The following DUSP23 variants were observed in gnomAD, a reference collection of about 807,000 sequenced individuals.
DUSP23 encodes the protein dual specificity protein phosphatase 23.
A neutral mutation model predicts 13.3 loss-of-function variants in DUSP23; 10 were observed. That is an observed-to-expected ratio of 0.75 (90% CI 0.46 to 1.27). The LOEUF is 1.27. Ranked by LOEUF, DUSP23 falls within the 50% of genes most tolerant of loss-of-function variation. The pLI is 0.00. For synonymous variants in DUSP23, 107 were observed against 95.3 expected (o/e 1.12, Z -0.72); for missense variants, 228 against 204.8 (o/e 1.11, Z -0.69).
intron 1 of DUSP23, 32 bp downstream of exon 1, chr1:159,781,399 G>A (rs1450869025): frequency 2.7e-6 from 4 of 1,461,460 alleles, no homozygotes; most frequent in Non-Finnish European, 3.6e-6. Flanking sequence ...AGGGAGGGAG[G>A]GGCCTGGAAG....
rs1162415751 is a variant in DUSP23 at position 159,782,112 on chromosome 1, T to TG, written c.268-36dup. On this transcript the variant is annotated intron_variant, in intron 1 of 1. Transcript: ENST00000368107. The stretch of plus-strand genomic sequence containing the variant: ...GTGAGGGGCAGGAAACAGTTGTGGG[T>TG]GGGGGAGTTGAGTGGCACCCATCGA... The TG allele has an allele frequency of 3.1e-6, 5 of 1,600,820 alleles. No individual in the cohort carries two copies. The South Asian group carries it at 5.5e-5, about 18-fold the overall frequency.
In DUSP23 at chr1:159,781,366, A is replaced by T. The variant is rs751586016; in HGVS notation, c.266A>T (p.Glu89Val). 1 of 1,506,236 alleles carries T rather than the reference A, an allele frequency of 6.6e-7. No individual in the cohort carries two copies. Among genetic ancestry groups the T allele is most frequent in the South Asian group, 1.3e-5 (1 of 78,146 alleles). 93.3% of individuals were successfully genotyped at this position (1,506,236 alleles called of 1,614,324 possible). A position where few individuals can be genotyped will look rare whatever the true frequency, so the allele number is the denominator to read the frequency against. ...QIVDEANARG[E>V]AVGVHCALGF... ...GTGGACGAGGCCAACGCACGGGGAG[A>T]GGTCAGCGGGCGGGGTCAGCGCAGG... Residue 89 changes from glutamate (E) to valine (V), a missense_variant and splice_region_variant, in exon 1 of 2, where the codon GAG becomes GTG. Glu to Val is a moderately radical substitution (Grantham distance 121). Coordinates refer to ENST00000368107, the MANE Select transcript of DUSP23 (RefSeq NM_001319658.2).
In DUSP23 at chr1:159,781,006, T is replaced by C. The variant is rs1661844844; in HGVS notation, c.-95T>C. The C allele has an allele frequency of 7.1e-7, 1 of 1,412,932 alleles. No individual in the cohort carries two copies. The allele number at this position is 1,412,932 out of a possible 1,614,324, so 87.5% of individuals were successfully genotyped here. A position where few individuals can be genotyped will look rare whatever the true frequency, so the allele number is the denominator to read the frequency against. ...GCGCCGAGGCCAGGTAGGTGGTGAG[T>C]TACTTGGCTCGGAGCGGGCGAGGGG... is the stretch of plus-strand genomic sequence containing the variant. On this transcript the variant is annotated 5_prime_UTR_variant, in exon 1 of 2. Transcript: ENST00000368107.
In DUSP23 at chr1:159,780,973, C is replaced by A; in HGVS notation, c.-128C>A. The A allele has an allele frequency of 8.0e-7, 1 of 1,255,864 alleles. No homozygotes were observed. The highest frequency in any genetic ancestry group is 1.1e-6 in the Non-Finnish European group (1 of 946,880). The allele number at this position is 1,255,864 out of a possible 1,614,324, so 77.8% of individuals were successfully genotyped here. A position where few individuals can be genotyped will look rare whatever the true frequency, so the allele number is the denominator to read the frequency against. On this transcript the variant is annotated 5_prime_UTR_variant, in exon 1 of 2. Coordinates refer to ENST00000368107, the MANE Select transcript of DUSP23 (RefSeq NM_001319658.2). ...GGGCGGCGCCCTGCAGACCACGTGG[C>A]CCGGGAGGCGCCGAGGCCAGGTAGG... is the stretch of plus-strand genomic sequence containing the variant.
In DUSP23 at chr1:159,782,255, G is replaced by A. The variant is rs1165465935; in HGVS notation, c.370G>A (p.Glu124Lys). 3.1e-6 allele frequency: 5 copies of A among 1,614,004 alleles called. No homozygotes were observed. The highest frequency in any genetic ancestry group is 4.2e-6 in the Non-Finnish European group (5 of 1,180,016). The change falls in exon 2 of 2, where the codon GAA (glutamate) becomes AAA (lysine). Residue 124 changes from glutamate to lysine, a missense_variant. Physicochemically the swap from Glu to Lys is moderately conservative, Grantham distance 56. Transcript: ENST00000368107. ...CTTGGCTGCAGGAGATGCCATTGCT[G>A]AAATCCGACGACTACGACCCGGCTC... The part of the protein sequence containing the change: ...RGLAAGDAIA[E>K]IRRLRPGSIE...
intron 1 of DUSP23, 107 bp downstream of exon 1, chr1:159,781,474 A>C: frequency 7.3e-7 from 1 of 1,364,794 alleles, no homozygotes; most frequent in Non-Finnish European, 9.6e-7. Context: ...GGGCTCGGGG[A>C]GGCAGACAGT....
In DUSP23 at chr1:159,781,145, G is replaced by A. The variant is rs778641124; in HGVS notation, c.45G>A (p.Arg15=). 8.4e-6 allele frequency: 13 copies of A among 1,548,638 alleles called. No homozygotes were observed. In the South Asian group the frequency reaches 1.5e-4, roughly 18 times the overall value. The part of the protein sequence containing the change: ...PPNFSWVLPG[R]LAGLALPRLP... Reference sequence around the variant, plus strand: ...ACTTCTCCTGGGTGCTTCCGGGCCGGCTGGCGGGACTGGCGCTGCCGCGGC... The same window carrying A: ...ACTTCTCCTGGGTGCTTCCGGGCCGACTGGCGGGACTGGCGCTGCCGCGGC... Residue 15 remains arginine (R), a synonymous_variant, in exon 1 of 2, where the codon CGG becomes CGA. Coordinates refer to ENST00000368107, the MANE Select transcript of DUSP23 (RefSeq NM_001319658.2).
At chr1:159,781,433 C>G in intron 1 of DUSP23, 66 bp downstream of exon 1, 1 of 1,429,550 alleles carries the variant, frequency 7.0e-7, no homozygotes, top group Non-Finnish European at 9.2e-7. Flanking sequence ...ACGGGCGGAG[C>G]TGGGGAGACC....
In DUSP23 at chr1:159,782,401, A is replaced by G; in HGVS notation, c.*63A>G. On this transcript the variant is annotated 3_prime_UTR_variant, in exon 2 of 2. Coordinates refer to ENST00000368107, the MANE Select transcript of DUSP23 (RefSeq NM_001319658.2). ...TTCCCCATGTTGTCGATGGGGCCAG[A>G]GATGAAGGGAAGTGGACTAAAGTAT... 6.4e-7 allele frequency: 1 copy of G among 1,566,776 alleles called. No individual in the cohort carries two copies. The highest frequency in any genetic ancestry group is 8.7e-7 in the Non-Finnish European group (1 of 1,148,400).
chr1:159,781,571 C>T (rs1235576851), intron 1 of DUSP23, among the ~76,000 whole-genome samples: 4 of 152,072 alleles, frequency 2.6e-5, no homozygotes, highest in Admixed American at 6.5e-5. Context: ...GCGAACTGGG[C>T]TTGAGGAGAG....
rs1661905125 is a variant in DUSP23 at position 159,782,458 on chromosome 1, C to A, written c.*120C>A. On this transcript the variant is annotated 3_prime_UTR_variant, in exon 2 of 2. Transcript: ENST00000368107. ...CTCTAGCTCCCATTGGCTGAAGACA[C>A]TGAAGTAGCCCACCCCTGCAGGCAG... 2 of 1,177,270 alleles carry A rather than the reference C, an allele frequency of 1.7e-6. No individual in the cohort carries two copies. Among genetic ancestry groups the A allele is most frequent in the Non-Finnish European group, 2.4e-6 (2 of 841,614 alleles). 72.9% of individuals were successfully genotyped at this position (1,177,270 alleles called of 1,614,324 possible).
chr1:159,782,010 G>A (rs1661886709), intron 1 of DUSP23, 143 bp from the exon 2 acceptor site: 1 of 889,176 alleles, frequency 1.1e-6, no homozygotes, highest in Admixed American at 2.5e-5. Flanking sequence ...TAGCCACCTA[G>A]TGCAGGGACA....
rs1661865275 is a variant in DUSP23 at position 159,781,356 on chromosome 1, G to C, written c.256G>C (p.Ala86Pro). ...CGTGCAGATCGTGGACGAGGCCAAC[G>C]CACGGGGAGAGGTCAGCGGGCGGGG... The part of the protein sequence containing the change: ...RFVQIVDEAN[A>P]RGEAVGVHCA... Residue 86 changes from alanine to proline, a missense_variant, in exon 1 of 2, where the codon GCA becomes CCA. By Grantham distance (27) the Ala-to-Pro change is conservative (BLOSUM62 -1). Transcript: ENST00000368107. The C allele has an allele frequency of 6.6e-7, 1 of 1,519,886 alleles. No homozygotes were observed. Among genetic ancestry groups the C allele is most frequent in the Non-Finnish European group, 8.8e-7 (1 of 1,131,050 alleles). The allele number at this position is 1,519,886 out of a possible 1,614,324, so 94.1% of individuals were successfully genotyped here. A position where few individuals can be genotyped will look rare whatever the true frequency, so the allele number is the denominator to read the frequency against.
Position 159,780,975 on chromosome 1 carries a change from C to A in DUSP23, c.-126C>A. On this transcript the variant is annotated 5_prime_UTR_variant, in exon 1 of 2. Coordinates refer to ENST00000368107, the MANE Select transcript of DUSP23 (RefSeq NM_001319658.2). ...GCGGCGCCCTGCAGACCACGTGGCC[C>A]GGGAGGCGCCGAGGCCAGGTAGGTG... The A allele has an allele frequency of 7.9e-7, 1 of 1,262,750 alleles. No individual in the cohort carries two copies. The highest frequency in any genetic ancestry group is 1.0e-6 in the Non-Finnish European group (1 of 953,340). The allele number at this position is 1,262,750 out of a possible 1,614,324, so 78.2% of individuals were successfully genotyped here.
chr1:159,781,488 G>C, intron 1 of DUSP23, 121 bp downstream of exon 1: 1 of 1,308,210 alleles, frequency 7.6e-7, no homozygotes, highest in Non-Finnish European at 1.0e-6. Flanking sequence ...AGACAGTAGG[G>C]CCGGGAGACT....
In DUSP23 at chr1:159,781,247, C is replaced by T. The variant is rs1354918313; in HGVS notation, c.147C>T (p.His49=). The change falls in exon 1 of 2, where the codon CAC becomes CAT. Residue 49 remains histidine, a synonymous_variant. Transcript: ENST00000368107. ...CCCTGACGGAGCGCGGGCCCCCTCA[C>T]AGCGACAGCTGCCCCGGCCTCACCC... ...LVSLTERGPP[H]SDSCPGLTLH... 1.3e-6 allele frequency: 2 copies of T among 1,548,924 alleles called. No individual in the cohort carries two copies. Among genetic ancestry groups the T allele is most frequent in the South Asian group, 1.2e-5 (1 of 83,950 alleles).
chr1:159,781,867 C>G (rs1208456926), intron 1 of DUSP23, among the ~76,000 whole-genome samples: 1 of 152,186 alleles, frequency 6.6e-6, no homozygotes, highest in Non-Finnish European at 1.5e-5. Context: ...CACACTACAT[C>G]TCAGTTTGGA....
Position 159,781,281 on chromosome 1 carries a change from CT to C in DUSP23, c.182del (p.Leu61ArgfsTer51). 1 of 1,547,574 alleles carries C rather than the reference CT, an allele frequency of 6.5e-7. No homozygotes were observed. The highest frequency in any genetic ancestry group is 8.7e-7 in the Non-Finnish European group (1 of 1,145,840). On this transcript the variant is annotated frameshift_variant, in exon 1 of 2. Transcript: ENST00000368107. LOFTEE classifies it high-confidence loss of function. ...CTGCCCCGGCCTCACCCTGCACCGC[CT>C]GCGCATCCCCGACTTCTGCCCGCCG... ...DSCPGLTLHRLRIPDFCPPAP... is the reference protein window; with the variant it reads ...DSCPGLTLHRXRIPDFCPPAP...
chr1:159,781,483 G>T, intron 1 of DUSP23, 116 bp downstream of exon 1: 1 of 1,323,854 alleles, frequency 7.6e-7, no homozygotes, highest in Non-Finnish European at 9.9e-7. Context: ...GAGGCAGACA[G>T]TAGGGCCGGG....
Sources: gnomAD v4.1 joint callset for allele counts (sites outside exome capture counted in the v4.1 genomes callset) on GRCh38, gnomAD v4.1.1 for gene constraint, MANE v1.5 for transcripts, NCBI Gene and HGNC (gene_info 2026-07-23, HGNC 2026-07-21) for gene names.